The following GCN1 variants were observed in gnomAD, a reference collection of about 807,000 sequenced individuals.
GCN1 encodes stalled ribosome sensor GCN1.
Under a neutral mutation model 288.4 loss-of-function variants are expected in GCN1, and 90 were observed. The ratio of observed to expected loss-of-function variants is 0.31; its 90% CI spans 0.26 to 0.37. The LOEUF is 0.37. Ranked by LOEUF, GCN1 falls within the 10% of genes least tolerant of loss-of-function variation. The probability of loss-of-function intolerance (pLI) is 1.00; values close to 1 mark genes in which losing one functional copy is unlikely to be tolerated. For synonymous variants in GCN1, 1,386 were observed against 1,420.2 expected (o/e 0.98, Z 0.54); for missense variants, 2,586 against 3,419.9 (o/e 0.76, Z 6.08).
At chr12:120,143,044 T>C (rs1397824132) in intron 42 of GCN1, 103 bp from the exon 43 acceptor site, 6 of 670,188 alleles carry the variant, frequency 9.0e-6, no homozygotes, top group Non-Finnish European at 1.6e-5. Context: ...AAAATACTCA[T>C]GACGGTCATC....
At chr12:120,161,730 TA>T in intron 21 of GCN1, 147 bp from the exon 22 acceptor site, 1 of 922,308 alleles carries the variant, frequency 1.1e-6, no homozygotes, top group Non-Finnish European at 1.7e-6. Context: ...ACCCAGGACC[TA>T]AGCACCGTGC....
intron 18 of GCN1, among the ~76,000 whole-genome samples, chr12:120,163,474 C>T (rs1264861838): frequency 1.3e-5 from 2 of 152,224 alleles, no homozygotes; most frequent in African/African-American, 2.4e-5. Context: ...ATCTAAAAAG[C>T]CTGCAGGGGT....
intron 2 of GCN1, among the ~76,000 whole-genome samples, chr12:120,185,408 A>C (rs1426977767): frequency 6.6e-6 from 1 of 152,226 alleles, no homozygotes; most frequent in Non-Finnish European, 1.5e-5. Flanking sequence ...GCTCTGGAAA[A>C]ATGGAAAGAG....
Position 120,127,648 on chromosome 12 carries a change from CACA to C in GCN1, c.*198_*200del. The C allele has an allele frequency of 8.1e-6, 5 of 617,834 alleles. No homozygotes were observed. The highest frequency in any genetic ancestry group is 1.4e-5 in the Non-Finnish European group (5 of 352,830). 38.3% of individuals were successfully genotyped at this position (617,834 alleles called of 1,614,324 possible). ...TGCGTGTGCTTTTCCTTCTCTTCTC[CACA>C]GGAAAAGGTGAGAGATGGAGGAGGC... On this transcript the variant is annotated 3_prime_UTR_variant, in exon 58 of 58. Coordinates refer to ENST00000300648, the MANE Select transcript of GCN1 (RefSeq NM_006836.2).
Position 120,137,949 on chromosome 12 carries a change from C to T in GCN1, c.6345G>A (p.Ala2115=), listed in dbSNP as rs772955825. The change falls in exon 48 of 58, where the codon GCG becomes GCA. Residue 2115 remains alanine, a synonymous_variant. Transcript: ENST00000300648. The surrounding 1 kb of genome is among the most constrained non-coding windows in gnomAD (Gnocchi z 5.2). ...LTRHLGVILP[A]VMLALKEKLG... ...GCTTTTCCTTCAGGGCCAGCATGACCGCTGGGAGGATCACGCCAAGATGAC... is the reference window on the plus strand; with the variant it reads ...GCTTTTCCTTCAGGGCCAGCATGACTGCTGGGAGGATCACGCCAAGATGAC... 29 of 1,613,988 alleles carry T rather than the reference C, an allele frequency of 1.8e-5. No homozygotes were observed. In the Admixed American group the frequency reaches 2.0e-4, roughly 11 times the overall value.
rs1438160900 is a variant in GCN1 at position 120,176,148 on chromosome 12, A to T, written c.908T>A (p.Leu303Gln). Residue 303 changes from leucine (L) to glutamine (Q), a missense_variant, in exon 10 of 58, where the codon CTG (leucine) becomes CAG (glutamine). Physicochemically the swap from Leu to Gln is moderately radical, Grantham distance 113. Coordinates refer to ENST00000300648, the MANE Select transcript of GCN1 (RefSeq NM_006836.2). ...SQYAMDIVKG[L>Q]AGHLKSNSPR... ...AGAGGGGCTGGGATACTCACCAGCCAGTCCTTTCACGATGTCCATGGCATA... is the reference window on the plus strand; with the variant it reads ...AGAGGGGCTGGGATACTCACCAGCCTGTCCTTTCACGATGTCCATGGCATA... 1 of 1,605,622 alleles carries T rather than the reference A, an allele frequency of 6.2e-7. No individual in the cohort carries two copies. Among genetic ancestry groups the T allele is most frequent in the African/African-American group, 1.3e-5 (1 of 74,758 alleles).
chr12:120,138,619 T>TA, intron 46 of GCN1, 76 bp downstream of exon 46: 1 of 1,446,040 alleles, frequency 6.9e-7, no homozygotes, highest in South Asian at 1.2e-5. Context: ...CTTGGCAGAA[T>TA]AATCGCCCTG....
intron 47 of GCN1, 136 bp from the exon 48 acceptor site, chr12:120,138,180 C>T (rs1877074498): frequency 2.1e-6 from 2 of 957,766 alleles, no homozygotes; most frequent in Non-Finnish European, 3.3e-6. Flanking sequence ...TCTTGGAAGA[C>T]AACAGGGGAA....
At chr12:120,138,573 T>C in intron 46 of GCN1, 122 bp downstream of exon 46, 1 of 1,091,232 alleles carries the variant, frequency 9.2e-7, no homozygotes, top group Non-Finnish European at 1.4e-6. Flanking sequence ...GATCTTGCTA[T>C]ACCCACTCCC....
rs180680078 is a variant in GCN1 at position 120,146,756 on chromosome 12, G to A, written c.4947+296C>T. 3.0e-4 allele frequency among the ~76,000 whole-genome samples: 45 copies of A among 152,280 alleles called. 1 individual carries two copies. In the East Asian group the frequency reaches 7.7e-3, roughly 26 times the overall value. On this transcript the variant is annotated intron_variant, in intron 38 of 57. Coordinates refer to ENST00000300648, the MANE Select transcript of GCN1 (RefSeq NM_006836.2). ...AGGCTCTCCTGACAACAATACAGGA[G>A]TATTCTTGTCAAGAGCAAGTAGTCA...
chr12:120,151,707 CAGAA>C (rs1411223864), intron 33 of GCN1, among the ~76,000 whole-genome samples: 1 of 152,222 alleles, frequency 6.6e-6, no homozygotes, highest in Non-Finnish European at 1.5e-5. Context: ...TAAATCCACT[CAGAA>C]AGAAAGCTTC....
intron 45 of GCN1, 128 bp from the exon 46 acceptor site, chr12:120,138,984 TTTAAC>T: frequency 2.7e-6 from 2 of 738,982 alleles, no homozygotes; most frequent in South Asian, 3.7e-5. Context: ...TGACTTGTCT[TTTAAC>T]TTAACTCTTT....
intron 57 of GCN1, among the ~76,000 whole-genome samples, chr12:120,128,321 G>A (rs1876685457): frequency 6.6e-6 from 1 of 151,654 alleles, no homozygotes; most frequent in Admixed American, 6.6e-5. Flanking sequence ...GAGGCAGTGG[G>A]AGTTGCAGCT....
intron 5 of GCN1, 34 bp downstream of exon 5, chr12:120,183,535 G>A (rs1488280894): frequency 2.3e-6 from 3 of 1,294,366 alleles, no homozygotes; most frequent in African/African-American, 1.5e-5. Context: ...GCAGAAAGCT[G>A]ACCCTTGCTA....
chr12:120,137,247 T>C lies in GCN1; in HGVS notation c.6736A>G (p.Ser2246Gly). 6.2e-7 allele frequency: 1 copy of C among 1,614,170 alleles called. No homozygotes were observed. The highest frequency in any genetic ancestry group is 8.5e-7 in the Non-Finnish European group (1 of 1,180,018). ...AATCCTGGCACATGCTCGCCTTTGCTCTCGTTCCCTATGAGCCGGATTTCC... is the reference window on the plus strand; with the variant it reads ...AATCCTGGCACATGCTCGCCTTTGCCCTCGTTCCCTATGAGCCGGATTTCC... ...HKEIRLIGNE[S>G]KGEHVPGFCL... The change falls in exon 50 of 58, where the codon AGC (serine) becomes GGC (glycine). Residue 2246 changes from serine to glycine, a missense_variant. Physicochemically the swap from Ser to Gly is moderately conservative, Grantham distance 56 (BLOSUM62 0). Coordinates refer to ENST00000300648, the MANE Select transcript of GCN1 (RefSeq NM_006836.2). This position sits in a 1 kb window ranked among gnomAD's most constrained non-coding sequence, Gnocchi z 5.2.
chr12:120,164,298 A>C (rs1878029869), intron 18 of GCN1, 38 bp downstream of exon 18: 2 of 1,580,934 alleles, frequency 1.3e-6, no homozygotes, highest in Admixed American at 1.8e-5. Flanking sequence ...AGCTAAGTGG[A>C]TCCAAGAGCC....
At chr12:120,128,341 T>C (rs1039932568) in intron 57 of GCN1, among the ~76,000 whole-genome samples, 2 of 151,052 alleles carry the variant, frequency 1.3e-5, no homozygotes, top group African/African-American at 2.4e-5. Flanking sequence ...TTTTGGGCTT[T>C]TTTTTTTTTT....
chr12:120,164,506 A>C lies in GCN1; in HGVS notation c.1689-11T>G. On this transcript the variant is annotated splice_polypyrimidine_tract_variant and intron_variant, in intron 17 of 57. Coordinates refer to ENST00000300648, the MANE Select transcript of GCN1 (RefSeq NM_006836.2). Reference sequence around the variant, plus strand: ...GCCCGGTGGTACTGCCTGCAAGCACAGGGACAGACAGGTCTGGGGGAAGGC... The same window carrying C: ...GCCCGGTGGTACTGCCTGCAAGCACCGGGACAGACAGGTCTGGGGGAAGGC... 1 of 1,612,444 alleles carries C rather than the reference A, an allele frequency of 6.2e-7. No homozygotes were observed. Among genetic ancestry groups the C allele is most frequent in the Non-Finnish European group, 8.5e-7 (1 of 1,178,746 alleles).
chr12:120,153,665 C>A lies in GCN1; in HGVS notation c.3867+79G>T. 1.4e-6 allele frequency: 2 copies of A among 1,389,184 alleles called. No homozygotes were observed. The highest frequency in any genetic ancestry group is 1.8e-5 in the Admixed American group (1 of 56,072). The allele number at this position is 1,389,184 out of a possible 1,614,324, so 86.1% of individuals were successfully genotyped here. A position where few individuals can be genotyped will look rare whatever the true frequency, so the allele number is the denominator to read the frequency against. On this transcript the variant is annotated intron_variant, in intron 32 of 57. Coordinates refer to ENST00000300648, the MANE Select transcript of GCN1 (RefSeq NM_006836.2). This position sits in a 1 kb window ranked among gnomAD's most constrained non-coding sequence, Gnocchi z 4.4. ...ATTTCTGGCCCCTGCTCAGCCCTAG[C>A]GCCTGCCTCCCGTGTCTCCTTAGCG... is the stretch of plus-strand genomic sequence containing the variant.
Sources: gnomAD v4.1 joint callset for allele counts (sites outside exome capture counted in the v4.1 genomes callset) on GRCh38, gnomAD v4.1.1 for gene constraint, Gnocchi (gnomAD v3.1) non-coding constraint, MANE v1.5 for transcripts, NCBI Gene and HGNC (gene_info 2026-07-23, HGNC 2026-07-21) for gene names.